DLC1: variants seen among roughly 807,000 people sequenced by gnomAD.
DLC1 encodes DLC1 Rho GTPase activating protein, also known as rho GTPase-activating protein 7.
In DLC1, 54 loss-of-function variants were observed where a neutral mutation model predicts 140.3. The observed-to-expected ratio is 0.38, with a 90% CI of 0.31 to 0.48. The LOEUF is 0.48. DLC1 is among the 20% of genes least tolerant of loss of function. The pLI, the probability that DLC1 is intolerant of heterozygous loss-of-function variation, is 0.96. For synonymous variants in DLC1, 986 were observed against 728.1 expected, an observed-to-expected ratio of 1.35 and a Z score of -5.70; for missense variants, 2,536 against 1,907.0, an observed-to-expected ratio of 1.33 and a Z score of -6.14.
In DLC1 at chr8:13,091,309, A is replaced by T. The variant is rs551074291; in HGVS notation, c.3855+9T>A. On this transcript the variant is annotated intron_variant, in intron 14 of 17. Transcript: ENST00000276297. ...CTTAATAAAGGAGCCAAACTTCTCA[A>T]TTCCTTACCTGGAAAAGCTTCTTGC... is the stretch of plus-strand genomic sequence containing the variant. 6.2e-7 allele frequency: 1 copy of T among 1,613,702 alleles called. No individual in the cohort carries two copies. The highest frequency in any genetic ancestry group is 8.5e-7 in the Non-Finnish European group (1 of 1,179,854).
chr8:13,151,903 T>C lies in DLC1; in HGVS notation c.1349-36246A>G, dbSNP rs1328695038. 3.9e-5 allele frequency among the ~76,000 whole-genome samples: 6 copies of C among 152,274 alleles called. No individual in the cohort carries two copies. The South Asian group carries it at 8.3e-4, about 21-fold the overall frequency. ...AAAAGAAAGTGGTAAGGCTGCATAA[T>C]GTATGTTATGAATAAATGCTGTTGC... On this transcript the variant is annotated intron_variant, in intron 5 of 17. Coordinates refer to ENST00000276297, the MANE Select transcript of DLC1 (RefSeq NM_182643.3).
At chr8:13,360,486 C>T (rs1309398306) in intron 4 of DLC1, among the ~76,000 whole-genome samples, 1 of 152,158 alleles carries the variant, frequency 6.6e-6, no homozygotes, top group African/African-American at 2.4e-5. Context: ...TGCACATTGA[C>T]ATCACCTGGG....
intron 5 of DLC1, among the ~76,000 whole-genome samples, chr8:13,218,856 T>C (rs982534390): frequency 1.3e-5 from 1 of 75,100 alleles, no homozygotes; most frequent in African/African-American, 6.5e-5. Context: ...AATTATATAA[T>C]TATATATGAA....
intron 5 of DLC1, among the ~76,000 whole-genome samples, chr8:13,253,668 T>G (rs1432628526): frequency 6.6e-6 from 1 of 152,244 alleles, no homozygotes; most frequent in Non-Finnish European, 1.5e-5. Context: ...TGCAAACACC[T>G]TAATCTTAGC....
At chr8:13,323,588 AAGT>A (rs1405812337) in intron 4 of DLC1, among the ~76,000 whole-genome samples, 1 of 152,160 alleles carries the variant, frequency 6.6e-6, no homozygotes, top group African/African-American at 2.4e-5. Flanking sequence ...TTTTAAGTGA[AAGT>A]AGGAACTATA....
At position 13,163,929 on chromosome 8, in the gene DLC1, C is replaced by G. The variant is rs140727844; in HGVS notation, c.1349-48272G>C. The stretch of plus-strand genomic sequence containing the variant: ...CTGAAGTGGGAGGATTGCTTGAGCC[C>G]AGGGATTCAAGGCTTCAGTGAGCCA... On this transcript the variant is annotated intron_variant, in intron 5 of 17. Coordinates refer to ENST00000276297, the MANE Select transcript of DLC1 (RefSeq NM_182643.3). Among the ~76,000 whole-genome samples, 1,066 of 152,176 alleles carry G rather than the reference C, an allele frequency of 7.0e-3. 7 individuals are homozygous for G. Among genetic ancestry groups the G allele is most frequent in the Non-Finnish European group, 0.012 (802 of 68,020 alleles).
At chr8:13,144,822 T>C (rs1425970084) in intron 5 of DLC1, among the ~76,000 whole-genome samples, 2 of 152,230 alleles carry the variant, frequency 1.3e-5, no homozygotes, top group Non-Finnish European at 2.9e-5. Context: ...TTATCTGTCC[T>C]ACTGGTTCTG....
intron 5 of DLC1, among the ~76,000 whole-genome samples, chr8:13,281,143 G>T (rs1363182355): frequency 1.3e-5 from 2 of 152,138 alleles, no homozygotes; most frequent in Non-Finnish European, 2.9e-5. Flanking sequence ...ATGCCATGGA[G>T]GACTGTTTTT....
intron 2 of DLC1, among the ~76,000 whole-genome samples, chr8:13,464,933 C>A (rs1799864720): frequency 6.6e-6 from 1 of 151,920 alleles, no homozygotes. Flanking sequence ...AACAGGGACT[C>A]ACTATGTTGC....
At chr8:13,599,841 A>C (rs1200101746) in intron 1 of DLC1, among the ~76,000 whole-genome samples, 1 of 151,954 alleles carries the variant, frequency 6.6e-6, no homozygotes, top group Non-Finnish European at 1.5e-5. Flanking sequence ...AAACATAAAA[A>C]TTTTTATATG....
In DLC1 at chr8:13,092,800, C is replaced by G. The variant is rs1327490118; in HGVS notation, c.3552G>C (p.Gln1184His). ...GCAGCATGATGGCAGCCTTGATGGC[C>G]TGCAGGCGCTGGTCCTTGGGCACAT... ...YQYVPKDQRL[Q>H]AIKAAIMLLP... Residue 1184 changes from glutamine (Q) to histidine (H), a missense_variant, in exon 13 of 18, where the codon CAG becomes CAC. Transcript: ENST00000276297. 3 of 1,613,902 alleles carry G rather than the reference C, an allele frequency of 1.9e-6. No individual in the cohort carries two copies. Among genetic ancestry groups the G allele is most frequent in the East Asian group, 4.5e-5 (2 of 44,872 alleles).
intron 2 of DLC1, among the ~76,000 whole-genome samples, chr8:13,427,988 G>C (rs1462054752): frequency 6.6e-6 from 1 of 152,118 alleles, no homozygotes; most frequent in Non-Finnish European, 1.5e-5. Context: ...GTTCCAGTTT[G>C]CTTGCAGAGA....
intron 2 of DLC1, among the ~76,000 whole-genome samples, chr8:13,410,379 A>G (rs1453040281): frequency 1.3e-5 from 2 of 152,116 alleles, no homozygotes; most frequent in Non-Finnish European, 2.9e-5. Flanking sequence ...GTTCTGCCCA[A>G]TGCAACAGAA....
chr8:13,542,585 C>A (rs182006256), intron 1 of DLC1, among the ~76,000 whole-genome samples: 197 of 152,088 alleles, frequency 1.3e-3, no homozygotes, highest in Non-Finnish European at 2.4e-3. Context: ...CGAGATTGAT[C>A]AAATGTCACC....
At chr8:13,540,460 G>C (rs1008325785) in intron 1 of DLC1, among the ~76,000 whole-genome samples, 3 of 152,114 alleles carry the variant, frequency 2.0e-5, no homozygotes, top group African/African-American at 7.2e-5. Flanking sequence ...ATTAAGGAGA[G>C]GTTATTAACG....
intron 1 of DLC1, chr8:13,566,868 G>C (rs1563445051): frequency 1.6e-6 from 2 of 1,280,150 alleles, no homozygotes; most frequent in East Asian, 5.3e-5. Context: ...GCGTCTCCCG[G>C]AAGACGACCT....
intron 1 of DLC1, chr8:13,559,215 C>T (rs1377889471): frequency 6.6e-6 from 1 of 152,246 alleles, no homozygotes; most frequent in Non-Finnish European, 1.5e-5. Context: ...CCTTGTACCA[C>T]ATGGCAGCAT....
At chr8:13,290,194 G>A (rs995223547) in intron 5 of DLC1, among the ~76,000 whole-genome samples, 9 of 152,110 alleles carry the variant, frequency 5.9e-5, no homozygotes, top group Non-Finnish European at 7.4e-5. Context: ...TTGTTTTGCC[G>A]TACACACTTT....
chr8:13,305,393 A>C, intron 4 of DLC1, 91 bp from the exon 5 acceptor site: 1 of 1,338,126 alleles, frequency 7.5e-7, no homozygotes, highest in South Asian at 1.5e-5. Context: ...TTAATGACGC[A>C]AAAATTAAAT....
Sources: allele counts gnomAD v4.1 joint callset (sites outside exome capture counted in the v4.1 genomes callset), GRCh38; gene constraint gnomAD v4.1.1; transcripts MANE v1.5; gene names NCBI Gene and HGNC (gene_info 2026-07-23, HGNC 2026-07-21).